The following ABCA1 variants were observed in gnomAD, a reference collection of about 807,000 sequenced individuals.
ABCA1 encodes the protein ATP binding cassette subfamily A member 1.
ABCA1 carries 133 observed loss-of-function variants against 262.5 expected under a neutral mutation model. The observed-to-expected ratio is 0.51, with a 90% CI of 0.44 to 0.59. The LOEUF is 0.59. Among genes scored for constraint, ABCA1 ranks in the 20% least tolerant of loss-of-function variants. The pLI, the probability that ABCA1 is intolerant of heterozygous loss-of-function variation, is 0.00. For missense variants in ABCA1, 2,452 were observed against 2,777.5 expected (o/e 0.88, Z 2.63); for synonymous variants, 1,022 against 1,043.5 (o/e 0.98, Z 0.40).
intron 9 of ABCA1, among the ~76,000 whole-genome samples, chr9:104,839,981 A>G (rs1320525367): frequency 6.6e-6 from 1 of 152,230 alleles, no homozygotes; most frequent in African/African-American, 2.4e-5. Context: ...CTCATTCTTG[A>G]TCACCCTGGA....
chr9:104,843,482 G>T (rs897062174), intron 8 of ABCA1, among the ~76,000 whole-genome samples: 1 of 152,142 alleles, frequency 6.6e-6, no homozygotes, highest in Non-Finnish European at 1.5e-5. Flanking sequence ...AGTTTTTCAC[G>T]AAGCAGGCAA....
intron 5 of ABCA1, among the ~76,000 whole-genome samples, chr9:104,875,049 AGGGGGAAATGT>A (rs1838025238): frequency 6.6e-6 from 1 of 152,104 alleles, no homozygotes; most frequent in Non-Finnish European, 1.5e-5. Flanking sequence ...CGAATAGAAA[AGGGGGAAATGT>A]GGGGAAAAGA....
chr9:104,837,367 T>C (rs1564158385), intron 10 of ABCA1, 61 bp downstream of exon 10: 5 of 1,608,654 alleles, frequency 3.1e-6, no homozygotes, highest in Admixed American at 3.3e-5. Context: ...CTACCTTGAG[T>C]TTTTTGCCCC....
intron 1 of ABCA1, among the ~76,000 whole-genome samples, chr9:104,910,572 A>T (rs923176721): frequency 6.6e-6 from 1 of 152,198 alleles, no homozygotes; most frequent in Non-Finnish European, 1.5e-5. Flanking sequence ...ATTAAACCTT[A>T]AACAAACAAG....
intron 2 of ABCA1, among the ~76,000 whole-genome samples, chr9:104,892,397 A>G (rs1331001671): frequency 1.5e-5 from 2 of 133,744 alleles, no homozygotes; most frequent in Non-Finnish European, 3.1e-5. Flanking sequence ...TTATTTGTCA[A>G]TTATACCTCA....
Position 104,791,929 on chromosome 9 carries a change from T to A in ABCA1, c.5820+7A>T. ...GGACAAACGCAATATAGACAAAGTG[T>A]CTTTACCTCACCAGGAGGAATGCCC... On this transcript the variant is annotated splice_region_variant and intron_variant, in intron 43 of 49. Coordinates refer to ENST00000374736, the MANE Select transcript of ABCA1 (RefSeq NM_005502.4). 1 of 1,613,134 alleles carries A rather than the reference T, an allele frequency of 6.2e-7. No individual in the cohort carries two copies. The highest frequency in any genetic ancestry group is 8.5e-7 in the Non-Finnish European group (1 of 1,179,468).
chr9:104,862,049 T>TACACACACAC (rs35010837), intron 5 of ABCA1, among the ~76,000 whole-genome samples: 32 of 145,096 alleles, frequency 2.2e-4, no homozygotes, highest in African/African-American at 7.7e-4. Flanking sequence ...ATGGTGCTGT[T>TACACACACAC]ACACACACAC....
At chr9:104,801,235 T>C (rs937269489) in intron 34 of ABCA1, among the ~76,000 whole-genome samples, 9 of 152,212 alleles carry the variant, frequency 5.9e-5, no homozygotes, top group Admixed American at 1.3e-4. Context: ...GAGAGCTTTT[T>C]TTGAGATGGA....
At chr9:104,861,996 G>A (rs1490454260) in intron 5 of ABCA1, among the ~76,000 whole-genome samples, 196 bp from the exon 6 acceptor site, 1 of 151,592 alleles carries the variant, frequency 6.6e-6, no homozygotes, top group African/African-American at 2.4e-5. Context: ...CTGGTAACAT[G>A]TTGAGCCACA....
chr9:104,912,657 C>T (rs1159082866), intron 1 of ABCA1, among the ~76,000 whole-genome samples: 3 of 152,164 alleles, frequency 2.0e-5, no homozygotes, highest in Admixed American at 6.5e-5. Flanking sequence ...AGCCTCTCTT[C>T]CCCTGCTGAT....
intron 45 of ABCA1, 98 bp from the exon 46 acceptor site, chr9:104,788,152 C>T: frequency 7.4e-7 from 1 of 1,356,246 alleles, no homozygotes; most frequent in Non-Finnish European, 1.1e-6. Context: ...CTGAGTAGGA[C>T]TAGATTCTAT....
At chr9:104,855,339 G>C in intron 7 of ABCA1, 1 of 183,394 alleles carries the variant, frequency 5.5e-6, no homozygotes, top group Non-Finnish European at 1.0e-5. Flanking sequence ...TGGGATTACA[G>C]GTGTGCGCCA....
chr9:104,817,214 C>G lies in ABCA1; in HGVS notation c.3535+118G>C. 1.9e-6 allele frequency: 3 copies of G among 1,590,840 alleles called. No individual in the cohort carries two copies. Among genetic ancestry groups the G allele is most frequent in the Non-Finnish European group, 2.6e-6 (3 of 1,171,284 alleles). On this transcript the variant is annotated intron_variant, in intron 24 of 49. Transcript: ENST00000374736. The surrounding 1 kb of genome is among the most constrained non-coding windows in gnomAD (Gnocchi z 4.7). ...ACACCCGCAGCCACCCAGCCCCAGCCCAGCAGCAAACCTTGAGTCAGCGCC... is the reference window on the plus strand; with the variant it reads ...ACACCCGCAGCCACCCAGCCCCAGCGCAGCAGCAAACCTTGAGTCAGCGCC...
In ABCA1 at chr9:104,784,400, G is replaced by A. The variant is rs762540648; in HGVS notation, c.6701C>T (p.Ser2234Leu). ...QSDDDHLKDL[S>L]LHKNQTVVDV... ...CACTACTGTCTGGTTTTTGTGTAAT[G>A]AGAGGTCTTTTAAGTGGTCATCATC... is the stretch of plus-strand genomic sequence containing the variant. The change falls in exon 50 of 50, where the codon TCA becomes TTA. Residue 2234 changes from serine to leucine, a missense_variant. By Grantham distance (145) the Ser-to-Leu change is moderately radical. Around this residue, in one of 4 missense-constraint regions of ABCA1, gnomAD observed 752 missense variants for 944.5 expected, o/e 0.80. Coordinates refer to ENST00000374736, the MANE Select transcript of ABCA1 (RefSeq NM_005502.4). 85 of 1,613,970 alleles carry A rather than the reference G, an allele frequency of 5.3e-5. No homozygotes were observed. The highest frequency in any genetic ancestry group is 6.9e-5 in the Non-Finnish European group (82 of 1,180,002).
At chr9:104,854,229 A>G (rs560714942) in intron 7 of ABCA1, among the ~76,000 whole-genome samples, 13 of 152,274 alleles carry the variant, frequency 8.5e-5, no homozygotes, top group East Asian at 5.8e-4. Flanking sequence ...CAGTCCTACA[A>G]CTGCACGGGA....
At chr9:104,835,808 A>T (rs1235887290) in intron 11 of ABCA1, among the ~76,000 whole-genome samples, 3 of 152,190 alleles carry the variant, frequency 2.0e-5, no homozygotes, top group Admixed American at 6.5e-5. Context: ...CTGGGAGCTT[A>T]TGAAGAATTG....
intron 1 of ABCA1, among the ~76,000 whole-genome samples, chr9:104,908,618 G>A (rs1316315698): frequency 1.2e-4 from 19 of 152,152 alleles, no homozygotes; most frequent in African/African-American, 3.9e-4. Context: ...CTGAGATCGC[G>A]CTACCGCACT....
At chr9:104,816,385 G>C (rs1312204714) in intron 24 of ABCA1, 40 bp from the exon 25 acceptor site, 1 of 1,599,614 alleles carries the variant, frequency 6.3e-7, no homozygotes, top group East Asian at 2.2e-5. Flanking sequence ...AATCAACTCA[G>C]AGGGGCTTCG....
At chr9:104,800,366 C>T (rs553515927) in intron 35 of ABCA1, 144 bp downstream of exon 35, 3 of 786,754 alleles carry the variant, frequency 3.8e-6, no homozygotes, top group African/African-American at 1.7e-5. Flanking sequence ...TACACTACAC[C>T]GTACTGCCTC....
Sources: allele counts gnomAD v4.1 joint callset (sites outside exome capture counted in the v4.1 genomes callset), GRCh38; gene constraint gnomAD v4.1.1; regional missense constraint gnomAD v4.1.1; non-coding constraint Gnocchi (gnomAD v3.1); transcripts MANE v1.5; gene names NCBI Gene and HGNC (gene_info 2026-07-23, HGNC 2026-07-21).